DLGAP2: variants seen among roughly 807,000 people sequenced by gnomAD.
DLGAP2 encodes disks large-associated protein 2.
In DLGAP2, 26 loss-of-function variants were observed where a neutral mutation model predicts 100.3. That is an observed-to-expected ratio of 0.26 (90% CI 0.19 to 0.36). The LOEUF (loss-of-function observed/expected upper bound fraction) is 0.36. Ranked by LOEUF, DLGAP2 falls within the 10% of genes least tolerant of loss-of-function variation. The pLI is 1.00. For missense variants in DLGAP2, 1,858 were observed against 1,453.2 expected (o/e 1.28, Z -4.53); for synonymous variants, 886 against 630.1 (o/e 1.41, Z -6.08).
chr8:1,691,623 T>C lies in DLGAP2; in HGVS notation c.2793T>C (p.Asn931=), dbSNP rs747718313. ...AGTTTTATTGGCTTTGCCAACAGAA[T>C]ATGGTAAGTGAATCCTCAGTGAACC... ...FQQFYWLCQQ[N]MDPSAMPRPT... Residue 931 remains asparagine (N), a synonymous_variant, in exon 13 of 15, where the codon AAT becomes AAC. Transcript: ENST00000637795. 5.6e-6 allele frequency: 9 copies of C among 1,613,460 alleles called. No homozygotes were observed. Among genetic ancestry groups the C allele is most frequent in the Admixed American group, 5.0e-5 (3 of 59,990 alleles).
At chr8:1,564,643 C>T (rs567100742) in intron 5 of DLGAP2, among the ~76,000 whole-genome samples, 3 of 152,316 alleles carry the variant, frequency 2.0e-5, no homozygotes, top group South Asian at 4.1e-4. Flanking sequence ...TGCACAGTTG[C>T]TCAGTTTGGT....
At chr8:891,501 T>C (rs10087561) in intron 1 of DLGAP2, 78,932 of 152,356 alleles carry the variant, frequency 0.52, 20,929 homozygotes, top group Admixed American at 0.65. Context: ...TGCACCCGTG[T>C]GTGCGTGGGC....
chr8:1,669,806 A>T (rs929338225), intron 10 of DLGAP2, 22 bp downstream of exon 10: 2 of 780,902 alleles, frequency 2.6e-6, no homozygotes, highest in Admixed American at 3.4e-5. Flanking sequence ...AATGTGCTCC[A>T]AAGCCGCGTC....
intron 6 of DLGAP2, among the ~76,000 whole-genome samples, chr8:1,575,615 C>G (rs570830419): frequency 1.1e-5 from 1 of 91,230 alleles, no homozygotes; most frequent in South Asian, 5.2e-4. Flanking sequence ...CTTTCCCTCC[C>G]CCCTCCCCCC....
At chr8:842,646 C>T (rs28577920) in intron 1 of DLGAP2, among the ~76,000 whole-genome samples, 37,061 of 151,972 alleles carry the variant, frequency 0.24, 4,835 homozygotes, top group Non-Finnish European at 0.3. Context: ...TTCTCTTCTG[C>T]TGCTCTGATT....
intron 3 of DLGAP2, chr8:1,377,908 G>C (rs1795996540): frequency 6.6e-6 from 1 of 152,324 alleles, no homozygotes; most frequent in African/African-American, 2.4e-5. Flanking sequence ...GTCTGTCTGG[G>C]GGTGGCAGCC....
At chr8:1,093,454 C>G (rs1297212341) in intron 2 of DLGAP2, among the ~76,000 whole-genome samples, 1 of 152,164 alleles carries the variant, frequency 6.6e-6, no homozygotes, top group East Asian at 1.9e-4. Flanking sequence ...GAAACACTTT[C>G]ACACCAACAG....
At chr8:1,209,590 G>A (rs189720817) in intron 2 of DLGAP2, among the ~76,000 whole-genome samples, 3 of 152,288 alleles carry the variant, frequency 2.0e-5, no homozygotes, top group Admixed American at 1.3e-4. Context: ...AACTCCCAAT[G>A]TGATGGTATT....
intron 4 of DLGAP2, among the ~76,000 whole-genome samples, chr8:1,527,503 T>C (rs1800833298): frequency 6.6e-6 from 1 of 152,238 alleles, no homozygotes; most frequent in African/African-American, 2.4e-5. Context: ...TTTGTCAGAC[T>C]TTAATTGGGA....
At chr8:1,684,964 T>G (rs1306476782) in intron 12 of DLGAP2, among the ~76,000 whole-genome samples, 1 of 152,116 alleles carries the variant, frequency 6.6e-6, no homozygotes, top group African/African-American at 2.4e-5. Context: ...ATAACCTACA[T>G]GTTCACCGGG....
intron 7 of DLGAP2, among the ~76,000 whole-genome samples, chr8:1,627,433 C>T (rs889193832): frequency 3.3e-5 from 5 of 152,162 alleles, no homozygotes; most frequent in Admixed American, 1.3e-4. Context: ...GCCTGAGACA[C>T]GGGGGCTGTG....
chr8:1,084,980 C>A (rs905317792), intron 2 of DLGAP2, among the ~76,000 whole-genome samples: 2 of 152,172 alleles, frequency 1.3e-5, no homozygotes, highest in Non-Finnish European at 2.9e-5. Flanking sequence ...TTTACATTCC[C>A]ACTAACAGCG....
chr8:1,268,623 A>T (rs1449145886), intron 3 of DLGAP2, among the ~76,000 whole-genome samples: 1 of 152,230 alleles, frequency 6.6e-6, no homozygotes, highest in Non-Finnish European at 1.5e-5. Context: ...AGTATCCTTA[A>T]GAGAATTCTT....
At chr8:1,174,760 A>G (rs1469355891) in intron 2 of DLGAP2, among the ~76,000 whole-genome samples, 1 of 152,094 alleles carries the variant, frequency 6.6e-6, no homozygotes, top group African/African-American at 2.4e-5. Context: ...CATTACTATC[A>G]CTATCATCAT....
chr8:1,514,519 A>G (rs1161765189), intron 4 of DLGAP2, among the ~76,000 whole-genome samples: 2 of 152,276 alleles, frequency 1.3e-5, no homozygotes, highest in African/African-American at 4.8e-5. Context: ...AATAGCGTTA[A>G]TATTTCAGTA....
At chr8:815,387 A>G (rs1796457750) in intron 1 of DLGAP2, among the ~76,000 whole-genome samples, 1 of 152,216 alleles carries the variant, frequency 6.6e-6, no homozygotes, top group Admixed American at 6.5e-5. Context: ...CTCATGACTT[A>G]AGTTTCAGCA....
intron 2 of DLGAP2, among the ~76,000 whole-genome samples, chr8:1,148,593 C>T (rs1055779879): frequency 6.6e-6 from 1 of 151,918 alleles, no homozygotes; most frequent in African/African-American, 2.4e-5. Flanking sequence ...CTTTAGCTGC[C>T]TCTCGAGTAT....
At chr8:1,629,859 C>T (rs752767214) in intron 7 of DLGAP2, among the ~76,000 whole-genome samples, 19 of 152,188 alleles carry the variant, frequency 1.2e-4, no homozygotes, top group Admixed American at 2.6e-4. Flanking sequence ...CTTTGCGACT[C>T]GTCGTCCTGT....
At position 1,337,107 on chromosome 8, in the gene DLGAP2, AATAG is replaced by A. The variant is rs1801291985; in HGVS notation, c.106+78228_106+78231del. On this transcript the variant is annotated intron_variant, in intron 3 of 14. Coordinates refer to ENST00000637795, the MANE Select transcript of DLGAP2 (RefSeq NM_001346810.2). ...AGAGAGGAGGAGGAGGTGAAGAAGA[AATAG>A]ATAATGATGATGATGAGGATGATAA... 2.6e-5 allele frequency among the ~76,000 whole-genome samples: 4 copies of A among 152,080 alleles called. No homozygotes were observed. In the South Asian group the frequency reaches 8.3e-4, roughly 32 times the overall value.
Sources: gnomAD v4.1 joint callset for allele counts (sites outside exome capture counted in the v4.1 genomes callset) on GRCh38, gnomAD v4.1.1 for gene constraint, MANE v1.5 for transcripts, NCBI Gene and HGNC (gene_info 2026-07-23, HGNC 2026-07-21) for gene names.